KAT14: variants seen among roughly 807,000 people sequenced by gnomAD.
KAT14 encodes lysine acetyltransferase 14.
In KAT14, 66 loss-of-function variants were observed where a neutral mutation model predicts 78.4. The ratio of observed to expected loss-of-function variants is 0.84; its 90% CI spans 0.69 to 1.03. The LOEUF is 1.03. Among genes scored for constraint, KAT14 ranks in the 50% least tolerant of loss-of-function variants. The pLI is 0.00. For synonymous variants in KAT14, 344 were observed against 359.4 expected, an observed-to-expected ratio of 0.96 and a Z score of 0.48; for missense variants, 870 against 972.5, an observed-to-expected ratio of 0.89 and a Z score of 1.40.
intron 1 of KAT14, 122 bp downstream of exon 1, chr20:18,138,173 G>T: frequency 7.7e-7 from 1 of 1,299,704 alleles, no homozygotes; most frequent in East Asian, 3.2e-5. Context: ...CGGTGGCGCG[G>T]CCCTGCACCC....
In KAT14 at chr20:18,181,763, T is replaced by C; in HGVS notation, c.1722T>C (p.Tyr574=). 6.2e-7 allele frequency: 1 copy of C among 1,614,180 alleles called. No homozygotes were observed. The highest frequency in any genetic ancestry group is 8.5e-7 in the Non-Finnish European group (1 of 1,180,034). Residue 574 remains tyrosine (Y), a synonymous_variant, in exon 8 of 11, where the codon TAT becomes TAC. Transcript: ENST00000688188. ...GACACCAGACCACCAAGTTTTTGTA[T>C]CGCTTGGTAGGATCAGAAGATATGG... ...GFRHQTTKFL[Y]RLVGSEDMAV... is the part of the protein sequence containing the mutation.
At chr20:18,157,667 A>C (rs1242510259) in intron 4 of KAT14, among the ~76,000 whole-genome samples, 1 of 152,132 alleles carries the variant, frequency 6.6e-6, no homozygotes, top group Non-Finnish European at 1.5e-5. Flanking sequence ...TATGAATTTG[A>C]CTACTCTAAA....
In KAT14 at chr20:18,184,706, A is replaced by T; in HGVS notation, c.2086A>T (p.Asn696Tyr). ...FGFMVPDVKYNEAYISFLFVH... is the reference protein window; with the variant it reads ...FGFMVPDVKYYEAYISFLFVH... Reference sequence around the variant, plus strand: ...CTTCATGGTTCCTGATGTGAAATACAATGAAGCTTACATTTCATTTCTGTT... The same window carrying T: ...CTTCATGGTTCCTGATGTGAAATACTATGAAGCTTACATTTCATTTCTGTT... Residue 696 changes from asparagine (N) to tyrosine (Y), a missense_variant, in exon 10 of 11, where the codon AAT becomes TAT. By Grantham distance (143) the Asn-to-Tyr change is moderately radical. Transcript: ENST00000688188. The T allele has an allele frequency of 6.2e-7, 1 of 1,613,816 alleles. No homozygotes were observed. The highest frequency in any genetic ancestry group is 8.5e-7 in the Non-Finnish European group (1 of 1,179,938).
chr20:18,159,336 C>T, intron 5 of KAT14, 71 bp downstream of exon 5: 1 of 1,534,938 alleles, frequency 6.5e-7, no homozygotes, highest in Non-Finnish European at 8.7e-7. Context: ...CCAGGAGACG[C>T]TCCTGCTTCC....
At chr20:18,137,471 C>A (rs1252916692), upstream of KAT14, among the ~76,000 whole-genome samples, 1 of 152,180 alleles carries the variant, frequency 6.6e-6, no homozygotes, top group East Asian at 1.9e-4. Flanking sequence ...GCGCCTGCCC[C>A]GCCAAAGGAG....
intron 4 of KAT14, among the ~76,000 whole-genome samples, chr20:18,151,252 A>C (rs1365117444): frequency 6.6e-6 from 1 of 152,056 alleles, no homozygotes; most frequent in African/African-American, 2.4e-5. Context: ...GCTAGAGTGC[A>C]GTGGCGTGAT....
intron 2 of KAT14, chr20:18,143,297 C>G: frequency 2.0e-6 from 1 of 498,010 alleles, no homozygotes; most frequent in East Asian, 1.0e-4. Context: ...ATTTAACTTA[C>G]GTGGAGAACT....
upstream of KAT14, chr20:18,137,807 C>G (rs561389288): frequency 4.4e-4 from 358 of 815,886 alleles, 1 homozygote; most frequent in African/African-American, 5.5e-3. Flanking sequence ...CGATTGCTCA[C>G]GCCTGGCAGC....
intron 7 of KAT14, among the ~76,000 whole-genome samples, chr20:18,167,821 T>C (rs1004383021): frequency 2.0e-5 from 3 of 152,182 alleles, no homozygotes; most frequent in Non-Finnish European, 4.4e-5. Flanking sequence ...TTTATTCTTT[T>C]TATAGGTCCT....
At chr20:18,179,472 G>A (rs1457576498) in intron 7 of KAT14, among the ~76,000 whole-genome samples, 1 of 152,216 alleles carries the variant, frequency 6.6e-6, no homozygotes, top group Non-Finnish European at 1.5e-5. Context: ...CCTCAATTCT[G>A]GACTTCTGTG....
intron 2 of KAT14, 23 bp from the exon 3 acceptor site, chr20:18,145,210 G>A: frequency 6.2e-7 from 1 of 1,612,854 alleles, no homozygotes; most frequent in South Asian, 1.1e-5. Context: ...AACCCATGAT[G>A]TGACTTTTTG....
chr20:18,147,298 GA>G (rs1362546307), intron 3 of KAT14, among the ~76,000 whole-genome samples: 1 of 152,164 alleles, frequency 6.6e-6, no homozygotes, highest in Non-Finnish European at 1.5e-5. Flanking sequence ...AGAGCCTTAT[GA>G]ATATTATAAC....
intron 7 of KAT14, among the ~76,000 whole-genome samples, chr20:18,176,282 C>A: frequency 8.1e-6 from 1 of 123,668 alleles, no homozygotes; most frequent in Non-Finnish European, 1.6e-5. Context: ...GCTTGGGCAA[C>A]AGAGTGAGAC....
At position 18,183,147 on chromosome 20, in the gene KAT14, C is replaced by T. The variant is rs2039322454; in HGVS notation, c.1830C>T (p.Pro610=). 1 of 1,609,108 alleles carries T rather than the reference C, an allele frequency of 6.2e-7. No homozygotes were observed. Among genetic ancestry groups the T allele is most frequent in the African/African-American group, 1.3e-5 (1 of 74,656 alleles). Residue 610 remains proline, a synonymous_variant, in exon 9 of 11, where the codon CCC becomes CCT. Transcript: ENST00000688188. ...YIRRDYETKP[P]KLQLLSQIRS... is the part of the protein sequence containing the mutation. ...GGCGTGATTATGAAACAAAGCCACC[C>T]AAACTGCAGCTCCTGTCACAGATTC... is the stretch of plus-strand genomic sequence containing the variant.
At chr20:18,143,030 T>A (rs535284998) in intron 2 of KAT14, 111 bp downstream of exon 2, 1 of 1,457,594 alleles carries the variant, frequency 6.9e-7, no homozygotes, top group Admixed American at 2.7e-5. Flanking sequence ...AGGATAATTA[T>A]ATTTATTCTC....
At chr20:18,184,942 C>T (rs542482608) in intron 10 of KAT14, 150 bp downstream of exon 10, 1 of 799,218 alleles carries the variant, frequency 1.3e-6, no homozygotes, top group Admixed American at 3.8e-5. Context: ...CATCAGCATT[C>T]ATGAGGTTAT....
intron 7 of KAT14, among the ~76,000 whole-genome samples, chr20:18,166,299 C>T (rs964921177): frequency 6.6e-6 from 1 of 152,138 alleles, no homozygotes; most frequent in East Asian, 1.9e-4. Context: ...TAAACTGATA[C>T]CCGATTTGCT....
chr20:18,185,722 A>G (rs2039428962), intron 10 of KAT14, among the ~76,000 whole-genome samples: 2 of 152,296 alleles, frequency 1.3e-5, no homozygotes, highest in African/African-American at 2.4e-5. Flanking sequence ...ACCATTTGGT[A>G]TGGAGGATTA....
At chr20:18,170,861 T>C (rs536647901) in intron 7 of KAT14, among the ~76,000 whole-genome samples, 11 of 152,170 alleles carry the variant, frequency 7.2e-5, no homozygotes, top group Non-Finnish European at 1.3e-4. Context: ...TTCAAACAAT[T>C]ACTGCTCATT....
Sources: gnomAD v4.1 joint callset for allele counts (sites outside exome capture counted in the v4.1 genomes callset) on GRCh38, gnomAD v4.1.1 for gene constraint, MANE v1.5 for transcripts, NCBI Gene and HGNC (gene_info 2026-07-23, HGNC 2026-07-21) for gene names.